The following SYAP1 variants were observed in gnomAD, a reference collection of about 807,000 sequenced individuals.
SYAP1 encodes the protein synapse associated protein 1.
A neutral mutation model predicts 29.6 loss-of-function variants in SYAP1; 3 were observed. The observed-to-expected ratio is 0.10, with a 90% CI of 0.05 to 0.26. SYAP1 has a LOEUF of 0.26. Among genes scored for constraint, SYAP1 ranks in the 10% least tolerant of loss-of-function variants. SYAP1 has a pLI of 1.00. For missense variants in SYAP1, 217 were observed against 264.1 expected (o/e 0.82, Z 1.24); for synonymous variants, 102 against 102.7 (o/e 0.99, Z 0.04).
chrX:16,757,709 C>T (rs1367349221), intron 8 of SYAP1, among the ~76,000 whole-genome samples: 8 of 109,366 alleles, frequency 7.3e-5, no homozygotes, highest in Admixed American at 5.0e-4. Context: ...GGTGACAGAG[C>T]GAGACTCCGC....
intron 2 of SYAP1, 97 bp downstream of exon 2, chrX:16,735,442 A>G (rs757627836): frequency 1.7e-6 from 1 of 572,892 alleles, no homozygotes; most frequent in Admixed American, 3.8e-5. Context: ...ACCTAAGTAG[A>G]ATATCATATT....
rs1569248968 is a variant in SYAP1, at chrX:16,736,148, A to G, written c.295-18A>G. ...AGATACATTGCTATTTAATTTGACT[A>G]TGTATTTTTTTTAACAGACAATTAT... On this transcript the variant is annotated intron_variant, in intron 2 of 8. Transcript: ENST00000380155. 4 of 1,034,605 alleles carry G rather than the reference A, an allele frequency of 3.9e-6. No individual in the cohort carries two copies. The highest frequency in any genetic ancestry group is 4.5e-5 in the Admixed American group (2 of 44,938). 85.3% of individuals were successfully genotyped at this position (1,034,605 alleles called of 1,213,427 possible). A position where few individuals can be genotyped will look rare whatever the true frequency, so the allele number is the denominator to read the frequency against.
At chrX:16,729,686 GT>G (rs1926165682) in intron 1 of SYAP1, among the ~76,000 whole-genome samples, 1 of 110,530 alleles carries the variant, frequency 9.0e-6, no homozygotes, top group Admixed American at 9.7e-5. Context: ...GTTTCACAAT[GT>G]TGGCCAGGCT....
intron 1 of SYAP1, among the ~76,000 whole-genome samples, chrX:16,724,453 C>T (rs933964805): frequency 8.9e-6 from 1 of 111,925 alleles, no homozygotes; most frequent in Non-Finnish European, 1.9e-5. Flanking sequence ...TCTAAGTTCC[C>T]GGACACCCAG....
chrX:16,726,783 G>A (rs925290713), intron 1 of SYAP1, among the ~76,000 whole-genome samples: 3 of 111,432 alleles, frequency 2.7e-5, no homozygotes, highest in African/African-American at 6.5e-5. Flanking sequence ...ACTTGTTCCC[G>A]GTAGCACTCT....
intron 5 of SYAP1, among the ~76,000 whole-genome samples, chrX:16,749,570 G>A (rs1037317460): frequency 9.0e-6 from 1 of 111,268 alleles, no homozygotes; most frequent in Non-Finnish European, 1.9e-5. Flanking sequence ...TCTACCATAG[G>A]TACCTAGAAT....
chrX:16,736,413 C>T, intron 3 of SYAP1, 181 bp downstream of exon 3: 1 of 382,326 alleles, frequency 2.6e-6, no homozygotes, highest in Non-Finnish European at 4.7e-6. Flanking sequence ...AAGGAAGGGA[C>T]TAGATTGTTT....
At chrX:16,742,603 A>G (rs979343308) in intron 4 of SYAP1, among the ~76,000 whole-genome samples, 2 of 110,414 alleles carry the variant, frequency 1.8e-5, no homozygotes, top group African/African-American at 6.6e-5. Context: ...TTTTAATTTA[A>G]TTTGTTTTGT....
intron 1 of SYAP1, among the ~76,000 whole-genome samples, chrX:16,725,994 A>G (rs1926074898): frequency 8.9e-6 from 1 of 111,800 alleles, no homozygotes; most frequent in Non-Finnish European, 1.9e-5. Context: ...ACTGCAAAGC[A>G]TGGTTTTGTT....
intron 1 of SYAP1, among the ~76,000 whole-genome samples, chrX:16,727,558 GTCTC>G (rs1926109132): frequency 8.9e-6 from 1 of 112,005 alleles, no homozygotes; most frequent in Non-Finnish European, 1.9e-5. Flanking sequence ...GGTCAGGCTG[GTCTC>G]AAACTCCTGA....
intron 1 of SYAP1, 40 bp downstream of exon 1, chrX:16,719,939 G>C: frequency 8.8e-7 from 1 of 1,142,383 alleles, no homozygotes; most frequent in Non-Finnish European, 1.2e-6. Flanking sequence ...AGGGGGGGGC[G>C]CATTCCTCCT....
intron 4 of SYAP1, among the ~76,000 whole-genome samples, chrX:16,743,361 C>T (rs1034172588): frequency 4.7e-5 from 5 of 105,613 alleles, no homozygotes; most frequent in East Asian, 6.0e-4. Context: ...AAAGAGTGGG[C>T]GCATTGGCTC....
rs1470165265 is a variant in SYAP1 at position 16,761,230 on chromosome X, A to G, written c.*871A>G. 2.8e-5 allele frequency: 3 copies of G among 106,241 alleles called. No homozygotes were observed. Among genetic ancestry groups the G allele is most frequent in the Non-Finnish European group, 5.8e-5 (3 of 51,501 alleles). 8.8% of individuals were successfully genotyped at this position (106,241 alleles called of 1,213,427 possible). A position where few individuals can be genotyped will look rare whatever the true frequency, so the allele number is the denominator to read the frequency against. On this transcript the variant is annotated 3_prime_UTR_variant, in exon 9 of 9. Transcript: ENST00000380155. ...AGTCTCAAAAAAAAAAAAAAAAAAA[A>G]GCTGTGCGAAAATATTTGTTTTTCT...
At chrX:16,729,070 A>G (rs1042536500) in intron 1 of SYAP1, among the ~76,000 whole-genome samples, 1 of 110,128 alleles carries the variant, frequency 9.1e-6, no homozygotes, top group African/African-American at 3.3e-5. Context: ...AAAAGACACA[A>G]TTGACAAAAT....
intron 1 of SYAP1, among the ~76,000 whole-genome samples, chrX:16,730,214 C>T (rs1253466577): frequency 1.8e-5 from 2 of 111,207 alleles, no homozygotes; most frequent in African/African-American, 3.3e-5. Context: ...ATTAACTGGG[C>T]GTGGTGGCAG....
At chrX:16,737,637 G>T (rs1347304673) in intron 3 of SYAP1, among the ~76,000 whole-genome samples, 1 of 111,559 alleles carries the variant, frequency 9.0e-6, no homozygotes, top group Non-Finnish European at 1.9e-5. Context: ...GGAAGGTTTG[G>T]AGGCAACTTC....
intron 8 of SYAP1, among the ~76,000 whole-genome samples, chrX:16,757,574 T>C (rs1926872533): frequency 9.2e-6 from 1 of 109,264 alleles, no homozygotes; most frequent in Non-Finnish European, 1.9e-5. Context: ...CAAAAAAAAA[T>C]TAGCCGGGCC....
chrX:16,732,296 T>A (rs185261389), intron 1 of SYAP1, among the ~76,000 whole-genome samples: 4 of 112,026 alleles, frequency 3.6e-5, no homozygotes, highest in African/African-American at 1.3e-4. Context: ...TGAAATAGTT[T>A]GGTCATGCTT....
At chrX:16,731,301 T>G (rs1926199930) in intron 1 of SYAP1, among the ~76,000 whole-genome samples, 1 of 110,447 alleles carries the variant, frequency 9.1e-6, no homozygotes. Context: ...TACATTTATC[T>G]AATTATTTAT....
Sources: gnomAD v4.1 joint callset for allele counts (sites outside exome capture counted in the v4.1 genomes callset) on GRCh38, gnomAD v4.1.1 for gene constraint, MANE v1.5 for transcripts, NCBI Gene and HGNC (gene_info 2026-07-23, HGNC 2026-07-21) for gene names.